KCNIP4: variants seen among roughly 807,000 people sequenced by gnomAD.
The protein encoded by KCNIP4 is Kv channel-interacting protein 4.
KCNIP4 carries 12 observed loss-of-function variants against 34.0 expected under a neutral mutation model. The ratio of observed to expected loss-of-function variants is 0.35; its 90% CI spans 0.23 to 0.57. The LOEUF (loss-of-function observed/expected upper bound fraction) is 0.57, where lower values mean the gene tolerates loss of function less well. KCNIP4 is among the 20% of genes least tolerant of loss of function. The pLI, the probability that KCNIP4 is intolerant of heterozygous loss-of-function variation, is 0.83. For synonymous variants in KCNIP4, 124 were observed against 102.2 expected, an observed-to-expected ratio of 1.21 and a Z score of -1.29; for missense variants, 238 against 311.7, an observed-to-expected ratio of 0.76 and a Z score of 1.78.
intron 1 of KCNIP4, among the ~76,000 whole-genome samples, chr4:21,784,262 G>A (rs1468330400): frequency 6.6e-6 from 1 of 152,104 alleles, no homozygotes; most frequent in South Asian, 2.1e-4. Context: ...GAGTTGGATG[G>A]GGACAGAGCC....
chr4:21,404,136 C>A (rs1334446486), intron 1 of KCNIP4, among the ~76,000 whole-genome samples: 1 of 152,182 alleles, frequency 6.6e-6, no homozygotes, highest in Non-Finnish European at 1.5e-5. Context: ...TGGGGGGGCT[C>A]TCCCAGCAGA....
intron 1 of KCNIP4, among the ~76,000 whole-genome samples, chr4:21,329,397 A>AT (rs1360861160): frequency 6.6e-6 from 1 of 152,138 alleles, no homozygotes; most frequent in Non-Finnish European, 1.5e-5. Flanking sequence ...CCTATTTGAG[A>AT]TTTTCTTTTC....
At chr4:20,911,953 C>A (rs1728367086) in intron 1 of KCNIP4, among the ~76,000 whole-genome samples, 1 of 152,142 alleles carries the variant, frequency 6.6e-6, no homozygotes, top group Admixed American at 6.5e-5. Flanking sequence ...AATCTGATCA[C>A]TTTTTAATCC....
chr4:21,314,862 C>T lies in KCNIP4; in HGVS notation c.62-432153G>A, dbSNP rs573384764. ...AAGAGTACCATATTTGGGACCTTAA[C>T]ACTGTAGCTTGGGGCTCCATTTCTT... On this transcript the variant is annotated intron_variant, in intron 1 of 8. Coordinates refer to ENST00000382152, the MANE Select transcript of KCNIP4 (RefSeq NM_025221.6). Among the ~76,000 whole-genome samples the T allele has an allele frequency of 2.6e-5, 4 of 152,318 alleles. No individual in the cohort carries two copies. In the South Asian group the frequency reaches 8.3e-4, roughly 32 times the overall value.
intron 1 of KCNIP4, among the ~76,000 whole-genome samples, chr4:21,596,226 T>C (rs935514797): frequency 3.9e-5 from 6 of 152,152 alleles, no homozygotes; most frequent in African/African-American, 1.4e-4. Context: ...CTAATATTTA[T>C]ATTTTACCAT....
At chr4:21,099,433 G>C (rs979832250) in intron 1 of KCNIP4, among the ~76,000 whole-genome samples, 6 of 152,022 alleles carry the variant, frequency 3.9e-5, no homozygotes, top group African/African-American at 9.7e-5. Flanking sequence ...GGACACATCG[G>C]GGGGAACAAC....
intron 1 of KCNIP4, among the ~76,000 whole-genome samples, chr4:21,692,585 C>T (rs1376270163): frequency 6.6e-6 from 1 of 151,572 alleles, no homozygotes; most frequent in Non-Finnish European, 1.5e-5. Context: ...GAAGAAAGAG[C>T]AAAAGAAAAC....
At chr4:21,398,344 A>G (rs1394901612) in intron 1 of KCNIP4, among the ~76,000 whole-genome samples, 4 of 152,218 alleles carry the variant, frequency 2.6e-5, no homozygotes, top group African/African-American at 9.6e-5. Flanking sequence ...CTTTAATCTG[A>G]AAATTTCAAA....
chr4:21,228,510 G>A (rs1169798490), intron 1 of KCNIP4, among the ~76,000 whole-genome samples: 1 of 152,120 alleles, frequency 6.6e-6, no homozygotes, highest in African/African-American at 2.4e-5. Flanking sequence ...CCATCCTGCA[G>A]TCAACCACTC....
intron 1 of KCNIP4, among the ~76,000 whole-genome samples, chr4:20,929,995 T>A (rs1560578051): frequency 6.6e-6 from 1 of 151,926 alleles, no homozygotes; most frequent in Non-Finnish European, 1.5e-5. Context: ...TTCAAGGATA[T>A]GCATCACAGA....
chr4:21,539,999 C>CAAA (rs56948957), intron 1 of KCNIP4, among the ~76,000 whole-genome samples: 1 of 114,768 alleles, frequency 8.7e-6, no homozygotes, highest in Non-Finnish European at 1.9e-5. Context: ...AACAAACAGA[C>CAAA]AAAAAAAAAA....
At chr4:21,799,196 T>C (rs1578005456) in intron 1 of KCNIP4, among the ~76,000 whole-genome samples, 1 of 152,280 alleles carries the variant, frequency 6.6e-6, no homozygotes, top group African/African-American at 2.4e-5. Flanking sequence ...AGAAGAATTT[T>C]CTTTAGTATT....
intron 1 of KCNIP4, among the ~76,000 whole-genome samples, chr4:20,890,233 G>A (rs767476696): frequency 3.3e-5 from 5 of 152,180 alleles, no homozygotes; most frequent in African/African-American, 7.2e-5. Context: ...GACCTTACAC[G>A]ATATTTAGGA....
intron 1 of KCNIP4, among the ~76,000 whole-genome samples, chr4:20,981,392 C>T (rs1022100494): frequency 3.9e-5 from 6 of 151,982 alleles, no homozygotes; most frequent in African/African-American, 7.2e-5. Context: ...ATGCATTTGC[C>T]GAAAATATTT....
intron 1 of KCNIP4, among the ~76,000 whole-genome samples, chr4:20,965,894 T>G (rs1367853562): frequency 1.3e-5 from 2 of 152,204 alleles, no homozygotes; most frequent in East Asian, 3.9e-4. Flanking sequence ...ACTTTTAGTC[T>G]AAAATCTCAT....
chr4:21,711,174 T>C (rs530999838), intron 1 of KCNIP4, among the ~76,000 whole-genome samples: 1 of 152,198 alleles, frequency 6.6e-6, no homozygotes, highest in South Asian at 2.1e-4. Context: ...GAAAAGATGC[T>C]ATAAGAAAAA....
At chr4:21,878,468 T>C (rs1560782358) in intron 1 of KCNIP4, among the ~76,000 whole-genome samples, 1 of 152,174 alleles carries the variant, frequency 6.6e-6, no homozygotes, top group Non-Finnish European at 1.5e-5. Flanking sequence ...TTAATTAAGT[T>C]CATATTGTTT....
chr4:21,816,085 AT>A (rs1359574342), intron 1 of KCNIP4, among the ~76,000 whole-genome samples: 1 of 152,136 alleles, frequency 6.6e-6, no homozygotes, highest in East Asian at 1.9e-4. Flanking sequence ...ACTCTGGGAC[AT>A]TTTTTCTTAT....
At chr4:21,035,591 C>T (rs1276761127) in intron 1 of KCNIP4, among the ~76,000 whole-genome samples, 3 of 152,160 alleles carry the variant, frequency 2.0e-5, no homozygotes, top group Non-Finnish European at 4.4e-5. Context: ...CATTTTTGAC[C>T]TTGAGTCTTC....
Sources: gnomAD v4.1 joint callset for allele counts (sites outside exome capture counted in the v4.1 genomes callset) on GRCh38, gnomAD v4.1.1 for gene constraint, MANE v1.5 for transcripts, NCBI Gene and HGNC (gene_info 2026-07-23, HGNC 2026-07-21) for gene names.